Variants in JADE3 observed in about 807,000 individuals in gnomAD.
The protein encoded by JADE3 is protein Jade-3.
In JADE3, 2 loss-of-function variants were observed where a neutral mutation model predicts 50.1. The observed-to-expected ratio is 0.04, with a 90% confidence interval of 0.02 to 0.13. JADE3 has a LOEUF of 0.13. JADE3 is among the 10% of genes least tolerant of loss of function. JADE3 has a pLI of 1.00. For synonymous variants in JADE3, 218 were observed against 232.9 expected (o/e 0.94, Z 0.58); for missense variants, 475 against 634.4 (o/e 0.75, Z 2.70).
chrX:47,038,128 G>A (rs781964544), intron 7 of JADE3, among the ~76,000 whole-genome samples: 5 of 111,932 alleles, frequency 4.5e-5, no homozygotes, highest in South Asian at 3.7e-4. Context: ...ACAGGATTTC[G>A]TTCTTTTATA....
chrX:46,926,136 CCTT>C (rs1428061791), intron 1 of JADE3, among the ~76,000 whole-genome samples: 1 of 109,181 alleles, frequency 9.2e-6, no homozygotes, highest in Non-Finnish European at 1.9e-5. Context: ...CTCAAGCAAT[CCTT>C]CTGCCTCAGC....
intron 8 of JADE3, among the ~76,000 whole-genome samples, chrX:47,044,435 A>T (rs1978945313): frequency 8.9e-6 from 1 of 111,821 alleles, no homozygotes; most frequent in Non-Finnish European, 1.9e-5. Flanking sequence ...TCCAGTGAAA[A>T]TATCATTCAA....
At chrX:46,936,809 C>CT (rs1244699910) in intron 1 of JADE3, among the ~76,000 whole-genome samples, 1 of 111,620 alleles carries the variant, frequency 9.0e-6, no homozygotes. Flanking sequence ...AATATCCCCT[C>CT]TTTCATTCTT....
chrX:46,964,673 A>C (rs187729021), intron 1 of JADE3, among the ~76,000 whole-genome samples: 1 of 112,211 alleles, frequency 8.9e-6, no homozygotes, highest in East Asian at 2.8e-4. Flanking sequence ...TATGCCACTA[A>C]ATTTTGCAGT....
chrX:46,958,847 A>G (rs1210970781), intron 1 of JADE3, among the ~76,000 whole-genome samples: 1 of 111,880 alleles, frequency 8.9e-6, no homozygotes, highest in Non-Finnish European at 1.9e-5. Flanking sequence ...AGTTTCCACA[A>G]ATAAAGTAGT....
intron 4 of JADE3, among the ~76,000 whole-genome samples, chrX:47,013,701 C>T (rs1023244999): frequency 1.8e-5 from 2 of 110,743 alleles, no homozygotes; most frequent in Non-Finnish European, 3.8e-5. Context: ...AAAACAGGAC[C>T]GTAAGGTGGA....
chrX:46,913,857 A>G (rs1926024386), intron 1 of JADE3, among the ~76,000 whole-genome samples: 2 of 110,674 alleles, frequency 1.8e-5, no homozygotes, highest in Admixed American at 1.9e-4. Flanking sequence ...TTTGAGTTGC[A>G]AGGAAATCCG....
Position 47,054,683 on chromosome X carries a change from G to T in JADE3, c.1443+55G>T, listed in dbSNP as rs925596504. On this transcript the variant is annotated intron_variant, in intron 9 of 10. Transcript: ENST00000614628. ...GGCCTCGGTCTGTGTAGAAATGGAG[G>T]TCCCACTTCTGGTTTAATAATGGTC... The T allele has an allele frequency of 4.1e-6, 3 of 737,752 alleles. No individual in the cohort carries two copies. In the African/African-American group the frequency reaches 6.5e-5, roughly 16 times the overall value. 60.8% of individuals were successfully genotyped at this position (737,752 alleles called of 1,213,427 possible). A position where few individuals can be genotyped will look rare whatever the true frequency, so the allele number is the denominator to read the frequency against.
rs375599266 is a variant in JADE3, at chrX:46,991,519, C to G, written c.126+5727C>G. On this transcript the variant is annotated intron_variant, in intron 3 of 10. Coordinates refer to ENST00000614628, the MANE Select transcript of JADE3 (RefSeq NM_014735.5). Reference sequence around the variant, plus strand: ...TATGAGTAATTCTGCTATGAACATTCAGGTACAAGTTTTTATGTTGACGTA... The same window carrying G: ...TATGAGTAATTCTGCTATGAACATTGAGGTACAAGTTTTTATGTTGACGTA... Among the ~76,000 whole-genome samples, 75 of 111,518 alleles carry G rather than the reference C, an allele frequency of 6.7e-4. No homozygotes were observed. In the South Asian group the frequency reaches 0.025, roughly 37 times the overall value.
intron 4 of JADE3, among the ~76,000 whole-genome samples, chrX:47,022,183 C>T (rs1928810254): frequency 8.9e-6 from 1 of 112,101 alleles, no homozygotes; most frequent in South Asian, 3.6e-4. Flanking sequence ...ATTGGGTATT[C>T]TCCCTTCTAG....
intron 1 of JADE3, among the ~76,000 whole-genome samples, chrX:46,949,484 A>G (rs1926957905): frequency 8.9e-6 from 1 of 112,187 alleles, no homozygotes; most frequent in Non-Finnish European, 1.9e-5. Flanking sequence ...AGCAGCATAA[A>G]GAGGCACTTT....
rs1929194422 is a variant in JADE3 at position 47,038,945 on chromosome X, G to T, written c.856-4G>T. On this transcript the variant is annotated splice_polypyrimidine_tract_variant and splice_region_variant and intron_variant, in intron 7 of 10. Coordinates refer to ENST00000614628, the MANE Select transcript of JADE3 (RefSeq NM_014735.5). The stretch of plus-strand genomic sequence containing the variant: ...TCTGCCTTATGGTGGTATTTTATTT[G>T]TAGGTCAGCATTGCTTGTCCTGAGA... 2 of 1,098,930 alleles carry T rather than the reference G, an allele frequency of 1.8e-6. No individual in the cohort carries two copies. Among genetic ancestry groups the T allele is most frequent in the South Asian group, 1.9e-5 (1 of 52,729 alleles). The allele number at this position is 1,098,930 out of a possible 1,213,427, so 90.6% of individuals were successfully genotyped here.
At position 47,061,148 on chromosome X, in the gene JADE3, TGTC is replaced by T. The variant is rs1453174797; in HGVS notation, c.*2072_*2074del. 1 of 112,179 alleles carries T rather than the reference TGTC, an allele frequency of 8.9e-6. No homozygotes were observed. Among genetic ancestry groups the T allele is most frequent in the Non-Finnish European group, 1.9e-5 (1 of 53,179 alleles). 9.2% of individuals were successfully genotyped at this position (112,179 alleles called of 1,213,427 possible). A position where few individuals can be genotyped will look rare whatever the true frequency, so the allele number is the denominator to read the frequency against. Reference sequence around the variant, plus strand: ...CCTTCTTTGTTAATTTTTTTCATTTTGTCTTATATAGTCCAGTTTTCCAAGATA... The same window carrying T: ...CCTTCTTTGTTAATTTTTTTCATTTTTTATATAGTCCAGTTTTCCAAGATA... On this transcript the variant is annotated 3_prime_UTR_variant, in exon 11 of 11. Transcript: ENST00000614628.
chrX:47,058,404 G>A lies in JADE3; in HGVS notation c.1799G>A (p.Ser600Asn). 2 of 1,211,447 alleles carry A rather than the reference G, an allele frequency of 1.7e-6. No individual in the cohort carries two copies. Among genetic ancestry groups the A allele is most frequent in the South Asian group, 1.8e-5 (1 of 56,958 alleles). ...TCGTATCCGAGATACCCACTAGAGA[G>A]CAAGAATAACCGTTTGCTGGCCAGT... ...TKSYPRYPLE[S>N]KNNRLLASLS... The change falls in exon 11 of 11, where the codon AGC (serine) becomes AAC (asparagine). Residue 600 changes from serine (S) to asparagine (N), a missense_variant. By Grantham distance (46) the Ser-to-Asn change is conservative. Transcript: ENST00000614628.
At chrX:47,035,271 C>T (rs1399293803) in intron 7 of JADE3, among the ~76,000 whole-genome samples, 1 of 111,365 alleles carries the variant, frequency 9.0e-6, no homozygotes, top group Admixed American at 9.6e-5. Context: ...TTAAGATTTT[C>T]TTGTTTTTAA....
chrX:46,919,640 A>G, intron 1 of JADE3, among the ~76,000 whole-genome samples: 1 of 111,377 alleles, frequency 9.0e-6, no homozygotes, highest in Non-Finnish European at 1.9e-5. Flanking sequence ...TAACTGAAAT[A>G]GGCTTCACAA....
At chrX:46,962,423 A>G (rs1420919410) in intron 1 of JADE3, among the ~76,000 whole-genome samples, 6 of 111,845 alleles carry the variant, frequency 5.4e-5, no homozygotes, top group Admixed American at 9.5e-5. Context: ...GCCGTGTACA[A>G]ATGGCACATG....
chrX:46,983,949 T>C (rs781966977), intron 1 of JADE3, among the ~76,000 whole-genome samples: 1 of 111,896 alleles, frequency 8.9e-6, no homozygotes, highest in Non-Finnish European at 1.9e-5. Flanking sequence ...GCCTTGTATT[T>C]GGATTTCTAC....
At chrX:47,001,793 A>G (rs1378713468) in intron 4 of JADE3, among the ~76,000 whole-genome samples, 1 of 112,147 alleles carries the variant, frequency 8.9e-6, no homozygotes, top group African/African-American at 3.2e-5. Flanking sequence ...ATATAAATTC[A>G]GGCCTATTTA....
Sources: allele counts gnomAD v4.1 joint callset (sites outside exome capture counted in the v4.1 genomes callset), GRCh38; gene constraint gnomAD v4.1.1; transcripts MANE v1.5; gene names NCBI Gene and HGNC (gene_info 2026-07-23, HGNC 2026-07-21).